The following GSE1 variants were observed in gnomAD, a reference collection of about 807,000 sequenced individuals.
GSE1 encodes genetic suppressor element 1.
A neutral mutation model predicts 112.6 loss-of-function variants in GSE1; 32 were observed. The observed-to-expected ratio is 0.28, with a 90% CI of 0.21 to 0.38. The LOEUF is 0.38. Ranked by LOEUF, GSE1 falls within the 10% of genes least tolerant of loss-of-function variation. The probability of loss-of-function intolerance (pLI) is 1.00; values close to 1 mark genes in which losing one functional copy is unlikely to be tolerated. For synonymous variants in GSE1, 1,115 were observed against 735.6 expected (o/e 1.52, Z -8.35); for missense variants, 2,348 against 1,699.2 (o/e 1.38, Z -6.71).
intron 1 of GSE1, among the ~76,000 whole-genome samples, chr16:85,182,286 G>A (rs529195422): frequency 1.3e-5 from 2 of 152,314 alleles, no homozygotes; most frequent in South Asian, 2.1e-4. Flanking sequence ...TGGACCCCAG[G>A]GCGTGCAGAA....
chr16:85,554,845 G>C (rs1185411027), upstream of GSE1: 28 of 980,876 alleles, frequency 2.9e-5, no homozygotes, highest in Admixed American at 6.2e-5. Context: ...GGCAGCCGGA[G>C]GGGGGGCCAG....
chr16:85,662,210 G>A (rs2052492585), intron 9 of GSE1: 1 of 167,632 alleles, frequency 6.0e-6, no homozygotes, highest in Non-Finnish European at 1.3e-5. Context: ...ACTGCCCCGG[G>A]TCAGGGTAGG....
chr16:85,551,503 C>T (rs375556662), upstream of GSE1, among the ~76,000 whole-genome samples: 9 of 152,238 alleles, frequency 5.9e-5, no homozygotes, highest in African/African-American at 1.2e-4. Flanking sequence ...CCCGCTACCC[C>T]GTTCAGCCAC....
At chr16:85,540,179 G>A (rs928125899) in intron 2 of GSE1, among the ~76,000 whole-genome samples, 3 of 152,172 alleles carry the variant, frequency 2.0e-5, no homozygotes, top group Non-Finnish European at 4.4e-5. Context: ...AAACATTTTT[G>A]TAGGCATACT....
At chr16:85,627,832 G>GC (rs1174395389) in intron 1 of GSE1, among the ~76,000 whole-genome samples, 1 of 152,232 alleles carries the variant, frequency 6.6e-6, no homozygotes, top group Non-Finnish European at 1.5e-5. Context: ...AATGAGGGCA[G>GC]CAGGGGGGTG....
At chr16:85,483,096 A>G (rs2050732557) in intron 2 of GSE1, among the ~76,000 whole-genome samples, 1 of 152,214 alleles carries the variant, frequency 6.6e-6, no homozygotes, top group African/African-American at 2.4e-5. Flanking sequence ...TATTCAAAGT[A>G]TTGTGTAAGT....
In GSE1 at chr16:85,630,146, C is replaced by G. The variant is rs555811016; in HGVS notation, c.8-3768C>G. Among the ~76,000 whole-genome samples the G allele has an allele frequency of 8.5e-5, 13 of 152,300 alleles. No homozygotes were observed. In the South Asian group the frequency reaches 2.7e-3, roughly 32 times the overall value. ...TGGGTTTCTCCATGACCTGCTTGAG[C>G]ATCCTCATGATACGGCAGCTGACCC... is the stretch of plus-strand genomic sequence containing the variant. On this transcript the variant is annotated intron_variant, in intron 1 of 15. Transcript: ENST00000253458.
chr16:85,178,675 C>T (rs2074518098), intron 1 of GSE1, among the ~76,000 whole-genome samples: 1 of 151,982 alleles, frequency 6.6e-6, no homozygotes, highest in South Asian at 2.1e-4. Context: ...CCTGTGTTTA[C>T]TGAGTGCCCA....
chr16:85,237,380 C>G (rs1015343477), intron 1 of GSE1, among the ~76,000 whole-genome samples: 1 of 152,036 alleles, frequency 6.6e-6, no homozygotes, highest in African/African-American at 2.4e-5. Context: ...AGCCCTACAC[C>G]TGGTAGAGGA....
intron 2 of GSE1, among the ~76,000 whole-genome samples, chr16:85,431,886 G>A (rs1468083127): frequency 1.3e-5 from 2 of 152,246 alleles, no homozygotes; most frequent in East Asian, 1.9e-4. Flanking sequence ...TTAGCTAGCG[G>A]TTTGAAAGCC....
intron 2 of GSE1, among the ~76,000 whole-genome samples, chr16:85,447,230 G>A (rs542636760): frequency 1.5e-4 from 23 of 152,252 alleles, no homozygotes; most frequent in African/African-American, 5.1e-4. Flanking sequence ...CCAGCCCTCC[G>A]TGGTCTGGGC....
At chr16:85,349,664 C>T (rs920872490) in intron 1 of GSE1, among the ~76,000 whole-genome samples, 2 of 152,144 alleles carry the variant, frequency 1.3e-5, no homozygotes, top group Non-Finnish European at 2.9e-5. Flanking sequence ...CACTTGGCTT[C>T]GTGCCTGTGC....
chr16:85,171,635 G>A, exon 1 of GSE1: 1 of 985,476 alleles, frequency 1.0e-6, no homozygotes, highest in Non-Finnish European at 1.2e-6. Flanking sequence ...CGGGTGGCCC[G>A]GCTGCCCCTG....
intron 1 of GSE1, among the ~76,000 whole-genome samples, chr16:85,247,129 C>G (rs1905942939): frequency 6.6e-6 from 1 of 152,154 alleles, no homozygotes; most frequent in South Asian, 2.1e-4. Flanking sequence ...CTCTCTCTTT[C>G]TTCTGTTTCC....
At chr16:85,181,743 A>C (rs9939234) in intron 1 of GSE1, among the ~76,000 whole-genome samples, 10 of 152,100 alleles carry the variant, frequency 6.6e-5, no homozygotes, top group South Asian at 6.2e-4. Context: ...ACTTCCAGAC[A>C]CGACAGGACT....
chr16:85,339,121 G>A (rs1040246283), intron 1 of GSE1, among the ~76,000 whole-genome samples: 1 of 152,174 alleles, frequency 6.6e-6, no homozygotes, highest in African/African-American at 2.4e-5. Flanking sequence ...GGAAGGGAGG[G>A]AGGTCACTGG....
intron 2 of GSE1, among the ~76,000 whole-genome samples, chr16:85,362,831 CTTTTTTTTTT>C (rs67922655): frequency 9.7e-6 from 1 of 103,480 alleles, no homozygotes; most frequent in Non-Finnish European, 1.9e-5. Flanking sequence ...TTATTGATAT[CTTTTTTTTTT>C]TTTTTTTTTT....
intron 2 of GSE1, among the ~76,000 whole-genome samples, chr16:85,471,068 G>A (rs1261904364): frequency 2.6e-5 from 4 of 152,176 alleles, no homozygotes; most frequent in Admixed American, 2.0e-4. Context: ...TCTCTCCATG[G>A]ACGCCTCCGT....
intron 1 of GSE1, among the ~76,000 whole-genome samples, chr16:85,237,763 A>G (rs972982499): frequency 6.6e-6 from 1 of 150,980 alleles, no homozygotes; most frequent in African/African-American, 2.4e-5. Flanking sequence ...GCGTGAACCC[A>G]GGAGGCGGAG....
Sources: gnomAD v4.1 joint callset for allele counts (sites outside exome capture counted in the v4.1 genomes callset) on GRCh38, gnomAD v4.1.1 for gene constraint, MANE v1.5 for transcripts, NCBI Gene and HGNC (gene_info 2026-07-23, HGNC 2026-07-21) for gene names.